Variants in DYSF observed in about 807,000 individuals in gnomAD.
DYSF encodes dysferlin.
A neutral mutation model predicts 274.9 loss-of-function variants in DYSF; 212 were observed. That is an observed-to-expected ratio of 0.77 (90% CI 0.69 to 0.86). The LOEUF (loss-of-function observed/expected upper bound fraction) is 0.86, where lower values mean the gene tolerates loss of function less well. DYSF is among the 40% of genes least tolerant of loss of function. The probability of loss-of-function intolerance (pLI) is 0.00; values close to 1 mark genes in which losing one functional copy is unlikely to be tolerated. For missense variants in DYSF, 2,666 were observed against 2,783.2 expected (o/e 0.96, Z 0.95); for synonymous variants, 1,091 against 1,078.7 (o/e 1.01, Z -0.22).
chr2:71,466,539 G>T (rs1037097215), upstream of DYSF, among the ~76,000 whole-genome samples: 1 of 152,168 alleles, frequency 6.6e-6, no homozygotes, highest in Non-Finnish European at 1.5e-5. Context: ...CGGGAGCTGG[G>T]ACCCGCGGAG....
intron 41 of DYSF, among the ~76,000 whole-genome samples, chr2:71,627,962 T>C (rs1385094855): frequency 6.6e-6 from 1 of 152,156 alleles, no homozygotes; most frequent in Non-Finnish European, 1.5e-5. Context: ...CTTTCAACTT[T>C]TCTGTCTTTA....
At chr2:71,572,424 C>G (rs2092547326) in intron 29 of DYSF, among the ~76,000 whole-genome samples, 1 of 152,248 alleles carries the variant, frequency 6.6e-6, no homozygotes, top group South Asian at 2.1e-4. Context: ...TACAGAAGGT[C>G]ACATGCAAAG....
At chr2:71,577,624 A>G (rs2092753448) in intron 30 of DYSF, among the ~76,000 whole-genome samples, 1 of 151,472 alleles carries the variant, frequency 6.6e-6, no homozygotes, top group Admixed American at 6.6e-5. Flanking sequence ...ACATTCTGAC[A>G]TACACTCTCT....
intron 3 of DYSF, among the ~76,000 whole-genome samples, chr2:71,484,740 A>G (rs957119073): frequency 1.3e-5 from 2 of 152,196 alleles, no homozygotes; most frequent in African/African-American, 4.8e-5. Flanking sequence ...AGTTCTCTGT[A>G]GGGAGATTTC....
chr2:71,483,313 CTG>C (rs1466186518), intron 3 of DYSF, among the ~76,000 whole-genome samples: 1 of 152,210 alleles, frequency 6.6e-6, no homozygotes, highest in African/African-American at 2.4e-5. Flanking sequence ...AACGCAGACA[CTG>C]TGGAAGGCAA....
intron 42 of DYSF, among the ~76,000 whole-genome samples, chr2:71,650,754 T>TA (rs1371359403): frequency 1.3e-5 from 2 of 152,102 alleles, no homozygotes; most frequent in African/African-American, 4.8e-5. Flanking sequence ...CCTGGAAAAT[T>TA]AAAAAACCCT....
At chr2:71,678,609 A>G (rs1184457418) in intron 52 of DYSF, among the ~76,000 whole-genome samples, 1 of 152,136 alleles carries the variant, frequency 6.6e-6, no homozygotes, top group Non-Finnish European at 1.5e-5. Context: ...AATAGTAGTG[A>G]TGGTTGTACA....
intron 16 of DYSF, among the ~76,000 whole-genome samples, chr2:71,537,223 G>GTTTTTTTTTTTT (rs71402990): frequency 5.0e-5 from 4 of 79,626 alleles, no homozygotes; most frequent in Non-Finnish European, 9.5e-5. Flanking sequence ...TTCTAGTTTT[G>GTTTTTTTTTTTT]TTTTTTTTTT....
At chr2:71,492,698 T>TCC (rs35861056) in intron 3 of DYSF, among the ~76,000 whole-genome samples, 14 of 116,374 alleles carry the variant, frequency 1.2e-4, no homozygotes, top group African/African-American at 2.7e-4. Flanking sequence ...TCTCCCTTCC[T>TCC]CCCCCCCCCC....
intron 45 of DYSF, among the ~76,000 whole-genome samples, chr2:71,663,161 G>A (rs2094932279): frequency 6.6e-6 from 1 of 152,286 alleles, no homozygotes; most frequent in South Asian, 2.1e-4. Flanking sequence ...GTCTGGGCTG[G>A]GGAGAGGGCC....
chr2:71,521,350 G>C (rs1450951749), intron 12 of DYSF, among the ~76,000 whole-genome samples: 1 of 152,200 alleles, frequency 6.6e-6, no homozygotes, highest in East Asian at 1.9e-4. Context: ...ATCTTTCTAT[G>C]TTTGAGAAGA....
chr2:71,641,178 A>G (rs376447168), intron 41 of DYSF, among the ~76,000 whole-genome samples: 2 of 124,544 alleles, frequency 1.6e-5, no homozygotes, highest in Non-Finnish European at 3.2e-5. Context: ...ATGTTTATCT[A>G]TTTTTTTTTT....
At chr2:71,546,367 C>G (rs1440847716) in intron 17 of DYSF, among the ~76,000 whole-genome samples, 3 of 152,194 alleles carry the variant, frequency 2.0e-5, no homozygotes, top group Non-Finnish European at 2.9e-5. Flanking sequence ...TCTGTATTTC[C>G]CCGCCTCAGG....
chr2:71,525,946 T>A (rs1031949766), intron 12 of DYSF, among the ~76,000 whole-genome samples: 8 of 152,196 alleles, frequency 5.3e-5, no homozygotes, highest in Non-Finnish European at 1.2e-4. Flanking sequence ...GTTGGTGGAA[T>A]GCTTGCTGTG....
Position 71,674,200 on chromosome 2 carries a change from GC to G in DYSF, c.5790del (p.Phe1931SerfsTer74). The G allele has an allele frequency of 6.2e-7, 1 of 1,614,184 alleles. No homozygotes were observed. The highest frequency in any genetic ancestry group is 8.5e-7 in the Non-Finnish European group (1 of 1,179,980). ...EQVCTIAKKD[A>X]FWRLDKTESK... ...CTCTGTTCCTCTTCCGGGTCAGGATGCCTTCTGGAGGCTGGACAAGACTGAG... is the reference window on the plus strand; with the variant it reads ...CTCTGTTCCTCTTCCGGGTCAGGATGCTTCTGGAGGCTGGACAAGACTGAG... On this transcript the variant is annotated frameshift_variant, in exon 52 of 56. Coordinates refer to ENST00000410020, the MANE Select transcript of DYSF (RefSeq NM_001130987.2). LOFTEE classifies it high-confidence loss of function.
intron 7 of DYSF, 55 bp downstream of exon 7, chr2:71,513,976 T>C: frequency 6.2e-7 from 1 of 1,604,524 alleles, no homozygotes; most frequent in South Asian, 1.1e-5. Flanking sequence ...CAGCTGCGGG[T>C]GCCAGGCACC....
At chr2:71,489,742 G>A (rs1303415230) in intron 3 of DYSF, among the ~76,000 whole-genome samples, 1 of 152,172 alleles carries the variant, frequency 6.6e-6, no homozygotes, top group Non-Finnish European at 1.5e-5. Flanking sequence ...ACTGGGAGGG[G>A]CAGGTATTCT....
rs371887737 is a variant in DYSF at position 71,656,306 on chromosome 2, C to T, written c.4755+16C>T. The T allele has an allele frequency of 6.0e-5, 97 of 1,613,406 alleles. No homozygotes were observed. Among genetic ancestry groups the T allele is most frequent in the South Asian group, 1.6e-4 (15 of 91,052 alleles). ...TGAATTTAAGGTAAATCCTCGAAGACGTCCCTAACCCAGGTGGGCCTAAGA... is the reference window on the plus strand; with the variant it reads ...TGAATTTAAGGTAAATCCTCGAAGATGTCCCTAACCCAGGTGGGCCTAAGA... On this transcript the variant is annotated intron_variant, in intron 43 of 55. Transcript: ENST00000410020.
intron 29 of DYSF, among the ~76,000 whole-genome samples, chr2:71,571,510 C>CA (rs2092450113): frequency 8.7e-6 from 1 of 114,334 alleles, no homozygotes; most frequent in Non-Finnish European, 1.7e-5. Flanking sequence ...ATCACACCCA[C>CA]CACACACAGC....
Sources: allele counts gnomAD v4.1 joint callset (sites outside exome capture counted in the v4.1 genomes callset), GRCh38; gene constraint gnomAD v4.1.1; transcripts MANE v1.5; gene names NCBI Gene and HGNC (gene_info 2026-07-23, HGNC 2026-07-21).